The following LPP variants were observed in gnomAD, a reference collection of about 807,000 sequenced individuals.
The protein encoded by LPP is LIM domain containing preferred translocation partner in lipoma, also known as lipoma-preferred partner.
Under a neutral mutation model 60.4 loss-of-function variants are expected in LPP, and 38 were observed. The observed-to-expected ratio is 0.63, with a 90% CI of 0.49 to 0.83. The LOEUF (loss-of-function observed/expected upper bound fraction) is 0.83. Ranked by LOEUF, LPP falls within the 40% of genes least tolerant of loss-of-function variation. LPP has a pLI of 0.00. For missense variants in LPP, 902 were observed against 783.6 expected (o/e 1.15, Z -1.80); for synonymous variants, 328 against 290.8 (o/e 1.13, Z -1.30).
intron 6 of LPP, among the ~76,000 whole-genome samples, chr3:188,526,295 CT>C (rs11338811): frequency 0.81 from 122,102 of 150,958 alleles, 49,403 homozygotes; most frequent in East Asian, 0.93. Context: ...TCTTCTTCTT[CT>C]TTTTTTTTTC....
intron 4 of LPP, among the ~76,000 whole-genome samples, chr3:188,482,043 A>G (rs1366161073): frequency 6.6e-6 from 1 of 152,178 alleles, no homozygotes; most frequent in Non-Finnish European, 1.5e-5. Context: ...TGTTCTCATG[A>G]TAGTGAGTGT....
rs371962549 is a variant in LPP, at chr3:188,432,781, G to C, written c.193+26468G>C. Among the ~76,000 whole-genome samples the C allele has an allele frequency of 6.2e-4, 94 of 152,210 alleles. 3 individuals carry two copies. In the South Asian group the frequency reaches 0.018, roughly 30 times the overall value. The stretch of plus-strand genomic sequence containing the variant: ...TTTCTAGTCTGTTTTGATGGCATTA[G>C]AACCTTTAAAAGGAGCTTGTAACCT... On this transcript the variant is annotated intron_variant, in intron 4 of 11. Coordinates refer to ENST00000617246, the MANE Select transcript of LPP (RefSeq NM_001375462.1).
Position 188,875,155 on chromosome 3 carries a change from T to C in LPP, c.*676T>C, listed in dbSNP as rs760409810. ...AAAAGAGTTATCGGCCCATAGCTAA[T>C]AAGTAGTGACAGACAACCAAGCTTC... On this transcript the variant is annotated 3_prime_UTR_variant, in exon 12 of 12. Coordinates refer to ENST00000617246, the MANE Select transcript of LPP (RefSeq NM_001375462.1). The C allele has an allele frequency of 4.1e-5, 9 of 217,504 alleles. No individual in the cohort carries two copies. The highest frequency in any genetic ancestry group is 6.5e-5 in the Non-Finnish European group (7 of 108,240). The allele number at this position is 217,504 out of a possible 1,614,324, so 13.5% of individuals were successfully genotyped here. A position where few individuals can be genotyped will look rare whatever the true frequency, so the allele number is the denominator to read the frequency against.
intron 1 of LPP, among the ~76,000 whole-genome samples, chr3:188,205,223 AATAACTTGCTT>A (rs1732830156): frequency 6.6e-6 from 1 of 152,182 alleles, no homozygotes; most frequent in Non-Finnish European, 1.5e-5. Context: ...AGAGAGATGA[AATAACTTGCTT>A]ATAACTTGCT....
chr3:188,866,957 C>T (rs1766793105), intron 10 of LPP, among the ~76,000 whole-genome samples: 1 of 152,072 alleles, frequency 6.6e-6, no homozygotes, highest in African/African-American at 2.4e-5. Flanking sequence ...GATGCCATTC[C>T]CTAGCCTTTT....
In LPP at chr3:188,182,715, T is replaced by C. The variant is rs987841151; in HGVS notation, c.-190+28463T>C. Among the ~76,000 whole-genome samples the C allele has an allele frequency of 1.1e-5, 1 of 93,760 alleles. No homozygotes were observed. The highest frequency in any genetic ancestry group is 3.3e-5 in the African/African-American group (1 of 30,356). 61.5% of individuals were successfully genotyped at this position (93,760 alleles called of 152,430 possible). A position where few individuals can be genotyped will look rare whatever the true frequency, so the allele number is the denominator to read the frequency against. On this transcript the variant is annotated intron_variant, in intron 1 of 11. Coordinates refer to ENST00000617246, the MANE Select transcript of LPP (RefSeq NM_001375462.1). The surrounding 1 kb of genome is among the most constrained non-coding windows in gnomAD (Gnocchi z 4.4). ...TTTTAACCAGCTAAAGAATTGAATA[T>C]ATATATATAACATATGCACATAATA...
intron 2 of LPP, among the ~76,000 whole-genome samples, chr3:188,253,727 C>T (rs987789876): frequency 3.3e-5 from 5 of 152,138 alleles, no homozygotes; most frequent in African/African-American, 9.7e-5. Context: ...CAAAAATTAA[C>T]GTATTTAATA....
intron 6 of LPP, among the ~76,000 whole-genome samples, chr3:188,551,372 G>A (rs1055023594): frequency 2.5e-4 from 38 of 152,290 alleles, no homozygotes; most frequent in African/African-American, 9.1e-4. Flanking sequence ...CCCTCAACAT[G>A]TGGGAATTAT....
At chr3:188,203,387 T>C (rs1389707431) in intron 1 of LPP, among the ~76,000 whole-genome samples, 1 of 86,402 alleles carries the variant, frequency 1.2e-5, no homozygotes, top group Non-Finnish European at 2.0e-5. Context: ...TTAATATTTA[T>C]ATATTAATAT....
At chr3:188,706,001 A>G (rs1163753590) in intron 7 of LPP, among the ~76,000 whole-genome samples, 1 of 152,200 alleles carries the variant, frequency 6.6e-6, no homozygotes, top group Non-Finnish European at 1.5e-5. Context: ...TGTGTGTAAT[A>G]TATCTTCATG....
intron 7 of LPP, among the ~76,000 whole-genome samples, chr3:188,660,825 C>T (rs1333779890): frequency 2.0e-5 from 3 of 152,114 alleles, no homozygotes; most frequent in Non-Finnish European, 4.4e-5. Flanking sequence ...TAGTTACAAT[C>T]GATAAACCTA....
chr3:188,353,801 C>T (rs964704563), intron 3 of LPP, among the ~76,000 whole-genome samples: 2 of 152,158 alleles, frequency 1.3e-5, no homozygotes, highest in African/African-American at 4.8e-5. Flanking sequence ...GAAAATACTG[C>T]ATTTCTGTCT....
chr3:188,418,905 G>T (rs1446897218), intron 4 of LPP, among the ~76,000 whole-genome samples: 3 of 152,108 alleles, frequency 2.0e-5, no homozygotes, highest in African/African-American at 7.2e-5. Flanking sequence ...ACATTACAAT[G>T]GAATTAAAAT....
intron 4 of LPP, among the ~76,000 whole-genome samples, chr3:188,418,532 A>G (rs1417439708): frequency 6.6e-6 from 1 of 152,200 alleles, no homozygotes; most frequent in African/African-American, 2.4e-5. Flanking sequence ...CCAAGTCTGT[A>G]GCTGTTCCTC....
intron 3 of LPP, among the ~76,000 whole-genome samples, chr3:188,342,759 A>C (rs1371336418): frequency 6.6e-6 from 1 of 152,110 alleles, no homozygotes; most frequent in African/African-American, 2.4e-5. Context: ...AATTGAGAGG[A>C]AATTAAGGTG....
intron 5 of LPP, among the ~76,000 whole-genome samples, chr3:188,513,013 T>C (rs377475125): frequency 1.3e-5 from 2 of 152,222 alleles, no homozygotes; most frequent in Non-Finnish European, 2.9e-5. Context: ...TATGAAAGTT[T>C]TCTTAATGTA....
At chr3:188,325,584 T>C (rs1758204937) in intron 2 of LPP, among the ~76,000 whole-genome samples, 1 of 152,230 alleles carries the variant, frequency 6.6e-6, no homozygotes. Context: ...TGCTTTTGTT[T>C]TCTTTATGTA....
intron 7 of LPP, among the ~76,000 whole-genome samples, chr3:188,618,659 T>C (rs1212366229): frequency 1.3e-5 from 2 of 152,210 alleles, no homozygotes; most frequent in African/African-American, 2.4e-5. Context: ...ACATAACATA[T>C]ATTTAACATT....
chr3:188,758,145 C>T (rs1730998279), intron 8 of LPP, among the ~76,000 whole-genome samples: 1 of 151,918 alleles, frequency 6.6e-6, no homozygotes, highest in Non-Finnish European at 1.5e-5. Flanking sequence ...AATACTTTAA[C>T]TCTTTTTCCA....
Sources: gnomAD v4.1 joint callset for allele counts (sites outside exome capture counted in the v4.1 genomes callset) on GRCh38, gnomAD v4.1.1 for gene constraint, Gnocchi (gnomAD v3.1) non-coding constraint, MANE v1.5 for transcripts, NCBI Gene and HGNC (gene_info 2026-07-23, HGNC 2026-07-21) for gene names.